SNAP91: variants seen among roughly 807,000 people sequenced by gnomAD.
SNAP91 encodes the protein synaptosome associated protein 91.
A neutral mutation model predicts 100.3 loss-of-function variants in SNAP91; 27 were observed. The observed-to-expected ratio is 0.27, with a 90% CI of 0.20 to 0.37. The LOEUF is 0.37. Ranked by LOEUF, SNAP91 falls within the 10% of genes least tolerant of loss-of-function variation. The pLI, the probability that SNAP91 is intolerant of heterozygous loss-of-function variation, is 1.00. For synonymous variants in SNAP91, 404 were observed against 398.6 expected (o/e 1.01, Z -0.16); for missense variants, 986 against 1,123.7 (o/e 0.88, Z 1.75).
intron 8 of SNAP91, among the ~76,000 whole-genome samples, chr6:83,629,789 A>C (rs1204537622): frequency 6.6e-6 from 1 of 152,040 alleles, no homozygotes; most frequent in African/African-American, 2.4e-5. Context: ...AAGCAATCAT[A>C]TCATCAGCAA....
chr6:83,571,551 T>C (rs1175485622), intron 26 of SNAP91, among the ~76,000 whole-genome samples: 8 of 152,202 alleles, frequency 5.3e-5, no homozygotes, highest in Non-Finnish European at 1.2e-4. Flanking sequence ...ATTTCTCCCA[T>C]TTGGAATGGC....
chr6:83,669,247 A>G (rs1337007800), intron 2 of SNAP91, among the ~76,000 whole-genome samples: 1 of 152,038 alleles, frequency 6.6e-6, no homozygotes, highest in Non-Finnish European at 1.5e-5. Flanking sequence ...ATTGCTTCAA[A>G]TGCTCTCATA....
rs908075922 is a variant in SNAP91, at chr6:83,553,100, C to T, written c.*1196G>A. On this transcript the variant is annotated 3_prime_UTR_variant, in exon 30 of 30. Coordinates refer to ENST00000369694, the MANE Select transcript of SNAP91 (RefSeq NM_001242792.2). ...ATTTGAAAAATAGGCAAACACCTTT[C>T]CAACCCAATATGCTTTTATGAAGAG... 1.3e-5 allele frequency: 2 copies of T among 152,562 alleles called. No homozygotes were observed. Among genetic ancestry groups the T allele is most frequent in the African/African-American group, 4.8e-5 (2 of 41,442 alleles). The allele number at this position is 152,562 out of a possible 1,614,324, so 9.5% of individuals were successfully genotyped here.
At chr6:83,693,457 T>A (rs891886889) in intron 2 of SNAP91, among the ~76,000 whole-genome samples, 1 of 152,176 alleles carries the variant, frequency 6.6e-6, no homozygotes, top group Non-Finnish European at 1.5e-5. Flanking sequence ...GAATAAAAAA[T>A]TATTTTAAAT....
chr6:83,640,269 T>C (rs1436697467), intron 8 of SNAP91, among the ~76,000 whole-genome samples: 1 of 152,140 alleles, frequency 6.6e-6, no homozygotes, highest in African/African-American at 2.4e-5. Flanking sequence ...AAATGCTTGT[T>C]TATGCAGTAT....
chr6:83,615,154 A>C (rs528233805), intron 10 of SNAP91, among the ~76,000 whole-genome samples: 2 of 152,252 alleles, frequency 1.3e-5, no homozygotes, highest in Non-Finnish European at 2.9e-5. Context: ...GGTGACCACA[A>C]GGGGGCGAAT....
intron 8 of SNAP91, among the ~76,000 whole-genome samples, chr6:83,627,434 C>T (rs2096983657): frequency 6.6e-6 from 1 of 151,940 alleles, no homozygotes; most frequent in Admixed American, 6.6e-5. Flanking sequence ...GCTTCCAGTT[C>T]TTCTTTTTAC....
chr6:83,579,921 AATTT>A (rs1825657846), intron 24 of SNAP91, among the ~76,000 whole-genome samples: 2 of 152,018 alleles, frequency 1.3e-5, no homozygotes, highest in African/African-American at 4.8e-5. Context: ...CACACTATAG[AATTT>A]ATTTATTTTA....
chr6:83,685,869 G>A (rs893483258), intron 2 of SNAP91, among the ~76,000 whole-genome samples: 2 of 152,174 alleles, frequency 1.3e-5, no homozygotes, highest in Middle Eastern at 3.4e-3. Context: ...ACGCTCTACC[G>A]AATGCATTCC....
intron 2 of SNAP91, among the ~76,000 whole-genome samples, chr6:83,667,725 G>A (rs1442575947): frequency 2.0e-5 from 3 of 152,046 alleles, no homozygotes; most frequent in Non-Finnish European, 4.4e-5. Flanking sequence ...CCATGTTGGT[G>A]TGCTGCACCC....
Position 83,614,871 on chromosome 6 carries a change from C to A in SNAP91, c.879-9G>T. 2 of 1,590,746 alleles carry A rather than the reference C, an allele frequency of 1.3e-6. No homozygotes were observed. Among genetic ancestry groups the A allele is most frequent in the East Asian group, 2.2e-5 (1 of 44,660 alleles). ...ACAGTACTCACCCTTCACTTAAGTTCCAAGGTAAGCACAAACATACAAAGA... is the reference window on the plus strand; with the variant it reads ...ACAGTACTCACCCTTCACTTAAGTTACAAGGTAAGCACAAACATACAAAGA... On this transcript the variant is annotated splice_polypyrimidine_tract_variant and intron_variant, in intron 10 of 29. Coordinates refer to ENST00000369694, the MANE Select transcript of SNAP91 (RefSeq NM_001242792.2).
chr6:83,633,570 G>A (rs2097298126), intron 8 of SNAP91, among the ~76,000 whole-genome samples: 1 of 152,030 alleles, frequency 6.6e-6, no homozygotes, highest in African/African-American at 2.4e-5. Flanking sequence ...GTGGGGGTTG[G>A]GGGTGAGGTT....
chr6:83,623,205 A>C, intron 9 of SNAP91, 96 bp downstream of exon 9: 1 of 965,564 alleles, frequency 1.0e-6, no homozygotes, highest in Non-Finnish European at 1.6e-6. Context: ...CTAAGTTCAA[A>C]ATGCATGAAA....
At chr6:83,674,037 C>G (rs1284862344) in intron 2 of SNAP91, among the ~76,000 whole-genome samples, 1 of 152,112 alleles carries the variant, frequency 6.6e-6, no homozygotes, top group African/African-American at 2.4e-5. Context: ...ATAGAAAGCA[C>G]CTGGGTCTGA....
At chr6:83,681,353 T>TTCTATC (rs2098986978) in intron 2 of SNAP91, among the ~76,000 whole-genome samples, 1 of 152,168 alleles carries the variant, frequency 6.6e-6, no homozygotes. Context: ...TGAGGAGGTT[T>TTCTATC]TCTATCTCTC....
intron 2 of SNAP91, among the ~76,000 whole-genome samples, chr6:83,679,681 ATCTT>A (rs2098960435): frequency 6.6e-6 from 1 of 152,150 alleles, no homozygotes; most frequent in Non-Finnish European, 1.5e-5. Context: ...GCGAGGAAAG[ATCTT>A]TCTGACACCC....
rs1365655570 is a variant in SNAP91 at position 83,707,788 on chromosome 6, AGATG to A, written c.130+6_130+9del. The A allele has an allele frequency of 1.2e-6, 2 of 1,612,444 alleles. No homozygotes were observed. Among genetic ancestry groups the A allele is most frequent in the African/African-American group, 2.7e-5 (2 of 74,808 alleles). Reference sequence around the variant, plus strand: ...GTGCGCATGTCCCTCTTATATAAAGAGATGCTTACAGTCCAGGTGCTTTTTCTTG... The same window carrying A: ...GTGCGCATGTCCCTCTTATATAAAGACTTACAGTCCAGGTGCTTTTTCTTG... On this transcript the variant is annotated splice_donor_region_variant and intron_variant, in intron 2 of 29. Transcript: ENST00000369694.
rs558273810 is a variant in SNAP91, at chr6:83,608,086, G to A, written c.913-278C>T. Reference sequence around the variant, plus strand: ...CTTCCATTCATTAATTAAAATAAAAGCTAAATGTATTTCCTGAACATAAAA... The same window carrying A: ...CTTCCATTCATTAATTAAAATAAAAACTAAATGTATTTCCTGAACATAAAA... On this transcript the variant is annotated intron_variant, in intron 12 of 29. Coordinates refer to ENST00000369694, the MANE Select transcript of SNAP91 (RefSeq NM_001242792.2). Among the ~76,000 whole-genome samples the A allele has an allele frequency of 1.4e-4, 21 of 152,072 alleles. 1 individual carries two copies. The South Asian group carries it at 4.2e-3, about 30-fold the overall frequency.
chr6:83,682,435 G>A (rs938616102), intron 2 of SNAP91, among the ~76,000 whole-genome samples: 1 of 151,908 alleles, frequency 6.6e-6, no homozygotes, highest in Non-Finnish European at 1.5e-5. Flanking sequence ...TTGAACTCCT[G>A]GGCTCAAGCA....
Sources: gnomAD v4.1 joint callset for allele counts (sites outside exome capture counted in the v4.1 genomes callset) on GRCh38, gnomAD v4.1.1 for gene constraint, MANE v1.5 for transcripts, NCBI Gene and HGNC (gene_info 2026-07-23, HGNC 2026-07-21) for gene names.